Variants in PDE10A observed in about 807,000 individuals in gnomAD.
The protein encoded by PDE10A is cAMP and cAMP-inhibited cGMP 3',5'-cyclic phosphodiesterase 10A.
PDE10A carries 39 observed loss-of-function variants against 97.7 expected under a neutral mutation model. That is an observed-to-expected ratio of 0.40 (90% CI 0.31 to 0.52). PDE10A has a LOEUF of 0.52. Among genes scored for constraint, PDE10A ranks in the 20% least tolerant of loss-of-function variants. The pLI is 0.56. For missense variants in PDE10A, 731 were observed against 1,047.8 expected (o/e 0.70, Z 4.17); for synonymous variants, 371 against 376.8 (o/e 0.98, Z 0.18).
At chr6:165,432,135 G>T (rs1257162791) in intron 7 of PDE10A, among the ~76,000 whole-genome samples, 2 of 152,160 alleles carry the variant, frequency 1.3e-5, no homozygotes, top group South Asian at 2.1e-4. Flanking sequence ...AAATGGAGTG[G>T]CCTTCAGTGT....
chr6:165,906,254 C>T lies in PDE10A; in HGVS notation c.-615+81275G>A, dbSNP rs376473535. On this transcript the variant is annotated intron_variant, in intron 1 of 19. Coordinates refer to the PDE10A transcript ENST00000366882. ...CCTTCGGCCAGTACTGCTCCAAGGGCGCAGTGGAAAGGAGGAAGCTCTCCG... is the reference window on the plus strand; with the variant it reads ...CCTTCGGCCAGTACTGCTCCAAGGGTGCAGTGGAAAGGAGGAAGCTCTCCG... Among the ~76,000 whole-genome samples the T allele has an allele frequency of 6.6e-5, 10 of 151,206 alleles. No individual in the cohort carries two copies. The South Asian group carries it at 1.3e-3, about 19-fold the overall frequency.
intron 1 of PDE10A, among the ~76,000 whole-genome samples, chr6:165,721,871 A>G (rs2128448675): frequency 6.6e-6 from 1 of 152,312 alleles, no homozygotes; most frequent in South Asian, 2.1e-4. Flanking sequence ...GCTAAGACGG[A>G]TAAGGTTCCT....
chr6:165,633,565 AC>A (rs1788732688), intron 1 of PDE10A, among the ~76,000 whole-genome samples: 1 of 152,222 alleles, frequency 6.6e-6, no homozygotes, highest in Admixed American at 6.5e-5. Flanking sequence ...TTCAAAGGAA[AC>A]AGGGAAAGGT....
At chr6:165,862,866 G>T (rs1383444055) in intron 1 of PDE10A, among the ~76,000 whole-genome samples, 3 of 152,156 alleles carry the variant, frequency 2.0e-5, no homozygotes, top group Non-Finnish European at 4.4e-5. Flanking sequence ...TTTTAGTACA[G>T]ATGGGATTTT....
intron 1 of PDE10A, among the ~76,000 whole-genome samples, chr6:165,975,071 G>C (rs1005537409): frequency 1.3e-5 from 2 of 152,182 alleles, no homozygotes; most frequent in Non-Finnish European, 2.9e-5. Context: ...GAAGGAGCCC[G>C]GGTCCAGACC....
intron 1 of PDE10A, among the ~76,000 whole-genome samples, chr6:165,932,538 A>C (rs148993403): frequency 1.3e-5 from 2 of 152,046 alleles, no homozygotes; most frequent in African/African-American, 4.8e-5. Flanking sequence ...GTTTCACCAT[A>C]TTGGTCAGGC....
chr6:165,811,425 G>A (rs933151138), intron 1 of PDE10A, among the ~76,000 whole-genome samples: 2 of 152,130 alleles, frequency 1.3e-5, no homozygotes, highest in Admixed American at 6.5e-5. Context: ...CTAGGCCCTC[G>A]CCTGAGCTAT....
chr6:165,397,445 C>T (rs550871333), intron 13 of PDE10A, among the ~76,000 whole-genome samples: 1 of 152,290 alleles, frequency 6.6e-6, no homozygotes, highest in East Asian at 1.9e-4. Context: ...CAAGGTCACT[C>T]ACCCTTGTAA....
Position 165,619,561 on chromosome 6 carries a change from A to AGT in PDE10A, c.865+42384_865+42385dup, listed in dbSNP as rs1562635270. Among the ~76,000 whole-genome samples, 20 of 136,500 alleles carry AGT rather than the reference A, an allele frequency of 1.5e-4. 5 individuals carry two copies. Among genetic ancestry groups the AGT allele is most frequent in the African/African-American group, 2.6e-4 (9 of 34,336 alleles). 89.5% of individuals were successfully genotyped at this position (136,500 alleles called of 152,430 possible). A position where few individuals can be genotyped will look rare whatever the true frequency, so the allele number is the denominator to read the frequency against. On this transcript the variant is annotated intron_variant, in intron 1 of 21. Transcript: ENST00000539869. ...AATGTAGTGTAGTGTAGTCTAGTGT[A>AGT]GTATACTGTAGTCTAGCGTAGTGTA... is the stretch of plus-strand genomic sequence containing the variant.
intron 1 of PDE10A, among the ~76,000 whole-genome samples, chr6:165,859,967 A>G (rs1261078775): frequency 1.3e-5 from 2 of 152,154 alleles, no homozygotes; most frequent in Admixed American, 6.5e-5. Context: ...TATGTTCTCA[A>G]TGCTAAGTGG....
intron 1 of PDE10A, among the ~76,000 whole-genome samples, chr6:165,691,403 C>T (rs1026207952): frequency 6.6e-6 from 1 of 152,024 alleles, no homozygotes; most frequent in African/African-American, 2.4e-5. Flanking sequence ...AAGTTTGTAA[C>T]CTAAGAGCAA....
chr6:165,772,855 T>TAAC (rs1778053099), intron 1 of PDE10A, among the ~76,000 whole-genome samples: 2 of 152,176 alleles, frequency 1.3e-5, no homozygotes, highest in African/African-American at 4.8e-5. Context: ...GGAAATGGAC[T>TAAC]AACAGCCTCC....
intron 1 of PDE10A, among the ~76,000 whole-genome samples, chr6:165,595,152 C>A (rs985229636): frequency 6.6e-6 from 1 of 152,162 alleles, no homozygotes; most frequent in Non-Finnish European, 1.5e-5. Context: ...AAATGGCTCC[C>A]TTAAGCCCTA....
intron 1 of PDE10A, among the ~76,000 whole-genome samples, chr6:165,883,550 A>AT (rs11418909): frequency 0.019 from 1,287 of 66,512 alleles, 20 homozygotes; most frequent in African/African-American, 0.061. Context: ...AAAAAAAAAA[A>AT]AAATAAATAA....
intron 1 of PDE10A, among the ~76,000 whole-genome samples, chr6:165,701,647 A>ATGTG (rs59041111): frequency 0.49 from 72,513 of 149,484 alleles, 17,770 homozygotes; most frequent in Non-Finnish European, 0.55. Flanking sequence ...CTCTTCATGT[A>ATGTG]TGTGTGTGTG....
intron 1 of PDE10A, among the ~76,000 whole-genome samples, chr6:165,943,743 A>T (rs79007596): frequency 2.9e-3 from 448 of 152,352 alleles, no homozygotes; most frequent in African/African-American, 0.01. Context: ...GTTTAAATTC[A>T]AATGCTAATA....
intron 2 of PDE10A, among the ~76,000 whole-genome samples, chr6:165,529,980 G>C (rs1457188905): frequency 6.6e-6 from 1 of 152,118 alleles, no homozygotes; most frequent in African/African-American, 2.4e-5. Context: ...ATTAACATTT[G>C]AGTTAGTAGG....
At chr6:165,944,832 A>G (rs1783712100) in intron 1 of PDE10A, among the ~76,000 whole-genome samples, 1 of 151,880 alleles carries the variant, frequency 6.6e-6, no homozygotes, top group Non-Finnish European at 1.5e-5. Context: ...AAAATTTTTG[A>G]AAAAAAAGTA....
chr6:165,924,971 A>C (rs1398473598), intron 1 of PDE10A, among the ~76,000 whole-genome samples: 1 of 151,694 alleles, frequency 6.6e-6, no homozygotes, highest in African/African-American at 2.4e-5. Flanking sequence ...GAAGAGATTG[A>C]AAAGGCAAGC....
Sources: gnomAD v4.1 joint callset for allele counts (sites outside exome capture counted in the v4.1 genomes callset) on GRCh38, gnomAD v4.1.1 for gene constraint, MANE v1.5 for transcripts, NCBI Gene and HGNC (gene_info 2026-07-23, HGNC 2026-07-21) for gene names.